ANK1: variants seen among roughly 807,000 people sequenced by gnomAD.
The protein encoded by ANK1 is ankyrin 1, also known as ankyrin-1.
In ANK1, 51 loss-of-function variants were observed where a neutral mutation model predicts 210.4. The observed-to-expected ratio is 0.24, with a 90% CI of 0.19 to 0.31. The LOEUF is 0.31. Among genes scored for constraint, ANK1 ranks in the 10% least tolerant of loss-of-function variants. The pLI is 1.00. For missense variants in ANK1, 2,051 were observed against 2,504.4 expected (o/e 0.82, Z 3.86); for synonymous variants, 967 against 1,025.9 (o/e 0.94, Z 1.10).
chr8:41,765,057 C>A (rs1235319400), intron 1 of ANK1, among the ~76,000 whole-genome samples: 1 of 150,554 alleles, frequency 6.6e-6, no homozygotes, highest in Middle Eastern at 3.2e-3. Context: ...CAATCATTTC[C>A]CTTCCTTCCT....
chr8:41,790,414 T>C (rs910009012), intron 1 of ANK1, among the ~76,000 whole-genome samples: 1 of 152,154 alleles, frequency 6.6e-6, no homozygotes, highest in Non-Finnish European at 1.5e-5. Context: ...CCCAAAGTGC[T>C]GGGATTACAG....
chr8:41,866,700 G>A (rs185174172), intron 1 of ANK1, among the ~76,000 whole-genome samples: 1 of 152,312 alleles, frequency 6.6e-6, no homozygotes, highest in African/African-American at 2.4e-5. Context: ...TCTAGGAATC[G>A]TACAGAGTTT....
chr8:41,868,674 G>A (rs1258511766), intron 1 of ANK1, among the ~76,000 whole-genome samples: 4 of 152,124 alleles, frequency 2.6e-5, no homozygotes, highest in African/African-American at 7.2e-5. Context: ...ATAAGCTATC[G>A]ACCCTGGTCT....
intron 37 of ANK1, among the ~76,000 whole-genome samples, chr8:41,677,584 C>T (rs482897): frequency 0.96 from 145,049 of 150,744 alleles, 70,013 homozygotes; most frequent in East Asian, 1. Flanking sequence ...CTTTTTTTCC[C>T]TTTTTCTTTG....
intron 1 of ANK1, among the ~76,000 whole-genome samples, chr8:41,846,396 C>T (rs7841571): frequency 0.025 from 3,785 of 152,276 alleles, 152 homozygotes; most frequent in African/African-American, 0.087. Flanking sequence ...CCAGATGAGC[C>T]GGGCCTGGAG....
At chr8:41,761,607 T>C (rs1840471678) in intron 1 of ANK1, among the ~76,000 whole-genome samples, 1 of 152,126 alleles carries the variant, frequency 6.6e-6, no homozygotes, top group Non-Finnish European at 1.5e-5. Context: ...TTCCGTAGTG[T>C]CAAGCCACTA....
intron 1 of ANK1, among the ~76,000 whole-genome samples, chr8:41,850,111 C>T (rs960264955): frequency 3.3e-5 from 5 of 152,170 alleles, no homozygotes; most frequent in African/African-American, 7.2e-5. Flanking sequence ...TGAAGTCACT[C>T]GCTTCACCCT....
intron 39 of ANK1, chr8:41,664,003 A>G (rs370088399): frequency 8.2e-6 from 5 of 609,864 alleles, no homozygotes; most frequent in African/African-American, 1.8e-5. Flanking sequence ...CCCCCTGGGA[A>G]CCTGCAAAAT....
chr8:41,768,430 C>G (rs519612), intron 1 of ANK1, among the ~76,000 whole-genome samples: 150,383 of 152,324 alleles, frequency 0.99, 74,251 homozygotes, highest in East Asian at 1. Context: ...CTAGCACGCT[C>G]AGCGCCTATT....
rs72638959 is a variant in ANK1 at position 41,661,785 on chromosome 8, G to A, written c.5544+91C>T. Reference sequence around the variant, plus strand: ...TGATGGCGCTGGGTCCCCCAGGGCCGCGGGCGCCTCAGTACCTTGGAGTGT... The same window carrying A: ...TGATGGCGCTGGGTCCCCCAGGGCCACGGGCGCCTCAGTACCTTGGAGTGT... On this transcript the variant is annotated intron_variant, in intron 41 of 42. Coordinates refer to ENST00000289734, the MANE Select transcript of ANK1 (RefSeq NM_000037.4). The A allele has an allele frequency of 9.3e-3, 15,045 of 1,613,130 alleles. 117 individuals are homozygous for A. The highest frequency in any genetic ancestry group is 9.8e-3 in the Non-Finnish European group (11,571 of 1,179,970).
chr8:41,805,183 T>TTC (rs965741665), intron 1 of ANK1, among the ~76,000 whole-genome samples: 1 of 143,416 alleles, frequency 7.0e-6, no homozygotes, highest in Non-Finnish European at 1.5e-5. Context: ...CTTTCTTTCT[T>TTC]TCTCTCTCTC....
intron 3 of ANK1, among the ~76,000 whole-genome samples, chr8:41,733,030 G>A (rs185892791): frequency 4.6e-5 from 7 of 152,320 alleles, no homozygotes; most frequent in Middle Eastern, 3.4e-3. Flanking sequence ...GAGCCACCGC[G>A]CCCAGTCTGT....
At chr8:41,810,051 AG>A in intron 1 of ANK1, among the ~76,000 whole-genome samples, 1 of 152,298 alleles carries the variant, frequency 6.6e-6, no homozygotes, top group South Asian at 2.1e-4. Flanking sequence ...GAGAGACTGA[AG>A]GAGAATTTCG....
Position 41,725,924 on chromosome 8 carries a change from A to G in ANK1, c.449T>C (p.Val150Ala). 1 of 1,613,624 alleles carries G rather than the reference A, an allele frequency of 6.2e-7. No homozygotes were observed. Among genetic ancestry groups the G allele is most frequent in the Non-Finnish European group, 8.5e-7 (1 of 1,180,006 alleles). ...GTTCTCATGGCCCTGCTGCAGGGCTACCGCCAGAGGCGTGAAGCCGTCCTG... is the reference window on the plus strand; with the variant it reads ...GTTCTCATGGCCCTGCTGCAGGGCTGCCGCCAGAGGCGTGAAGCCGTCCTG... ...ATEDGFTPLA[V>A]ALQQGHENVV... Residue 150 changes from valine (V) to alanine (A), a missense_variant, in exon 6 of 43, where the codon GTA (valine) becomes GCA (alanine). Transcript: ENST00000289734.
intron 16 of ANK1, among the ~76,000 whole-genome samples, chr8:41,709,443 G>C (rs1162087825): frequency 6.6e-6 from 1 of 152,256 alleles, no homozygotes; most frequent in African/African-American, 2.4e-5. Flanking sequence ...ACCTGGCAAG[G>C]GACTTGAGGA....
chr8:41,688,972 G>A (rs1818465976), intron 33 of ANK1, among the ~76,000 whole-genome samples: 5 of 152,224 alleles, frequency 3.3e-5, no homozygotes, highest in Admixed American at 2.6e-4. Context: ...ATGCAATGGA[G>A]CTGGGGTTGA....
chr8:41,823,326 G>T (rs1012034414), intron 1 of ANK1, among the ~76,000 whole-genome samples: 27 of 152,136 alleles, frequency 1.8e-4, no homozygotes, highest in Non-Finnish European at 3.4e-4. Context: ...GCCCAACTTG[G>T]AGAAGAAACA....
chr8:41,794,434 G>C (rs1401329719), intron 1 of ANK1, among the ~76,000 whole-genome samples: 2 of 152,130 alleles, frequency 1.3e-5, no homozygotes, highest in African/African-American at 4.8e-5. Context: ...GGCTGTCTCA[G>C]AGTACCCTAT....
intron 6 of ANK1, among the ~76,000 whole-genome samples, chr8:41,725,560 A>C (rs1003702964): frequency 6.6e-6 from 1 of 152,158 alleles, no homozygotes; most frequent in Non-Finnish European, 1.5e-5. Context: ...GCTCACCAAG[A>C]GCACGTTTCT....
Sources: allele counts gnomAD v4.1 joint callset (sites outside exome capture counted in the v4.1 genomes callset), GRCh38; gene constraint gnomAD v4.1.1; transcripts MANE v1.5; gene names NCBI Gene and HGNC (gene_info 2026-07-23, HGNC 2026-07-21).